FBL: variants seen among roughly 807,000 people sequenced by gnomAD.
The protein encoded by FBL is rRNA 2'-O-methyltransferase fibrillarin.
Under a neutral mutation model 42.2 loss-of-function variants are expected in FBL, and 10 were observed. The ratio of observed to expected loss-of-function variants is 0.24; its 90% CI spans 0.15 to 0.40. The LOEUF is 0.40. Among genes scored for constraint, FBL ranks in the 10% least tolerant of loss-of-function variants. The pLI is 1.00. For missense variants in FBL, 351 were observed against 439.2 expected (o/e 0.80, Z 1.79); for synonymous variants, 165 against 165.4 (o/e 1.00, Z 0.02).
intron 5 of FBL, 25 bp downstream of exon 5, chr19:39,839,010 C>G (rs376607585): frequency 1.3e-6 from 2 of 1,593,158 alleles, no homozygotes; most frequent in African/African-American, 2.7e-5. Context: ...TTACCTCCTG[C>G]CTGACTCTCC....
At chr19:39,845,208 A>G (rs908866494) in intron 1 of FBL, among the ~76,000 whole-genome samples, 7 of 152,050 alleles carry the variant, frequency 4.6e-5, no homozygotes, top group East Asian at 1.9e-4. Flanking sequence ...TCCAAACTCA[A>G]TGAAGCAAGT....
intron 1 of FBL, among the ~76,000 whole-genome samples, chr19:39,843,074 G>A (rs1969190560): frequency 6.6e-6 from 1 of 152,126 alleles, no homozygotes; most frequent in Admixed American, 6.5e-5. Flanking sequence ...CCCTTACCCT[G>A]CTTTATTTCC....
rs201316980 is a variant in FBL, at chr19:39,840,536, A to C, written c.182-21T>G. On this transcript the variant is annotated intron_variant, in intron 2 of 8. Coordinates refer to ENST00000221801, the MANE Select transcript of FBL (RefSeq NM_001436.4). This position sits in a 1 kb window ranked among gnomAD's most constrained non-coding sequence, Gnocchi z 4.5. ...TCCACCTATAAAGGAGAGGTACAAC[A>C]GGAGAGAAAGATCCTGAATCTCCGC... The C allele has an allele frequency of 9.9e-6, 16 of 1,613,768 alleles. No homozygotes were observed. Among genetic ancestry groups the C allele is most frequent in the Admixed American group, 1.7e-5 (1 of 59,992 alleles).
In FBL at chr19:39,841,077, G is replaced by A. The variant is rs544253734; in HGVS notation, c.11-290C>T. Among the ~76,000 whole-genome samples the A allele has an allele frequency of 8.3e-4, 127 of 152,216 alleles. 1 individual carries two copies. The highest frequency in any genetic ancestry group is 1.9e-3 in the Admixed American group (29 of 15,288). ...AAATCATAATAATTTTTTTTGCTTA[G>A]TGCTTTTTTTTTGAGACAGGGTCTT... On this transcript the variant is annotated intron_variant, in intron 1 of 8. Transcript: ENST00000221801.
Position 39,846,354 on chromosome 19 carries a change from G to A in FBL, c.-54C>T, listed in dbSNP as rs376833478. On this transcript the variant is annotated 5_prime_UTR_variant, in exon 1 of 9. Coordinates refer to ENST00000221801, the MANE Select transcript of FBL (RefSeq NM_001436.4). ...GTCCGCGGCGTTCACAACTCCACGA[G>A]TCCGGGGCTTTCGCACGTGGAAAAG... is the stretch of plus-strand genomic sequence containing the variant. 6.8e-6 allele frequency: 11 copies of A among 1,607,578 alleles called. No individual in the cohort carries two copies. Among genetic ancestry groups the A allele is most frequent in the African/African-American group, 4.0e-5 (3 of 74,774 alleles).
intron 7 of FBL, among the ~76,000 whole-genome samples, chr19:39,836,013 T>TA (rs1969039681): frequency 6.6e-6 from 1 of 152,184 alleles, no homozygotes; most frequent in Non-Finnish European, 1.5e-5. Flanking sequence ...AGCCAGTGCT[T>TA]AAATTTTATA....
intron 7 of FBL, among the ~76,000 whole-genome samples, chr19:39,836,297 TA>T (rs1433917486): frequency 3.9e-5 from 6 of 152,022 alleles, no homozygotes; most frequent in Non-Finnish European, 8.8e-5. Context: ...GACTAGACAA[TA>T]TTTCTATTTC....
At position 39,840,118 on chromosome 19, in the gene FBL, T is replaced by C; in HGVS notation, c.378+115A>G. On this transcript the variant is annotated intron_variant, in intron 4 of 8. Transcript: ENST00000221801. The surrounding 1 kb of genome is among the most constrained non-coding windows in gnomAD (Gnocchi z 4.5). Reference sequence around the variant, plus strand: ...GAGGGAGCAGACAGTGTGGTTTACATATTATGACAATCCTCCAGCTGTCAC... The same window carrying C: ...GAGGGAGCAGACAGTGTGGTTTACACATTATGACAATCCTCCAGCTGTCAC... The C allele has an allele frequency of 2.7e-6, 2 of 750,892 alleles. No individual in the cohort carries two copies. Among genetic ancestry groups the C allele is most frequent in the African/African-American group, 3.5e-5 (2 of 57,954 alleles). 46.5% of individuals were successfully genotyped at this position (750,892 alleles called of 1,614,324 possible). A position where few individuals can be genotyped will look rare whatever the true frequency, so the allele number is the denominator to read the frequency against.
In FBL at chr19:39,840,085, A is replaced by T; in HGVS notation, c.378+148T>A. On this transcript the variant is annotated intron_variant, in intron 4 of 8. Coordinates refer to ENST00000221801, the MANE Select transcript of FBL (RefSeq NM_001436.4). This position sits in a 1 kb window ranked among gnomAD's most constrained non-coding sequence, Gnocchi z 4.5. ...CTGGAAGGCCGTGGGGAGTCACAGAAGGCGGATGAGGGAGCAGACAGTGTG... is the reference window on the plus strand; with the variant it reads ...CTGGAAGGCCGTGGGGAGTCACAGATGGCGGATGAGGGAGCAGACAGTGTG... 1.6e-6 allele frequency: 1 copy of T among 638,720 alleles called. No homozygotes were observed. The highest frequency in any genetic ancestry group is 2.8e-6 in the Non-Finnish European group (1 of 355,926). The allele number at this position is 638,720 out of a possible 1,614,324, so 39.6% of individuals were successfully genotyped here.
At chr19:39,838,912 G>C in intron 5 of FBL, 123 bp downstream of exon 5, 1 of 836,420 alleles carries the variant, frequency 1.2e-6, no homozygotes, top group Non-Finnish European at 1.9e-6. Flanking sequence ...CACAGGCACA[G>C]TGACAGAAAA....
Position 39,840,748 on chromosome 19 carries a change from C to A in FBL, c.50G>T (p.Gly17Val), listed in dbSNP as rs368559183. ...TCCACGACCACCACGGTCACCAAAG[C>A]CCCCTCGGCCGCCAAAGCCACCCCC... Reference protein sequence around the residue: ...PRGGGFGGRGGFGDRGGRGGR... With the variant: ...PRGGGFGGRGVFGDRGGRGGR... Residue 17 changes from glycine (G) to valine (V), a missense_variant, in exon 2 of 9, where the codon GGC becomes GTC. Gly to Val is a moderately radical substitution (Grantham distance 109, BLOSUM62 -3). Coordinates refer to ENST00000221801, the MANE Select transcript of FBL (RefSeq NM_001436.4). The surrounding 1 kb of genome is among the most constrained non-coding windows in gnomAD (Gnocchi z 4.5). 167 of 1,572,696 alleles carry A rather than the reference C, an allele frequency of 1.1e-4. No individual in the cohort carries two copies. The South Asian group carries it at 1.8e-3, about 17-fold the overall frequency.
Position 39,834,789 on chromosome 19 carries a change from A to C in FBL, c.820T>G (p.Ser274Ala), listed in dbSNP as rs1968998812. ...IKANCIDSTA[S>A]AEAVFASEVK... Reference sequence around the variant, plus strand: ...TCGGAGGCAAACACGGCCTCGGCTGAGGCTGTGGAGTCAATGCAGTTGGCC... The same window carrying C: ...TCGGAGGCAAACACGGCCTCGGCTGCGGCTGTGGAGTCAATGCAGTTGGCC... The change falls in exon 8 of 9, where the codon TCA (serine) becomes GCA (alanine). Residue 274 changes from serine to alanine, a missense_variant. Ser to Ala is a moderately conservative substitution (Grantham distance 99, BLOSUM62 1). Transcript: ENST00000221801. 6.2e-7 allele frequency: 1 copy of C among 1,614,180 alleles called. No homozygotes were observed. Among genetic ancestry groups the C allele is most frequent in the Non-Finnish European group, 8.5e-7 (1 of 1,180,028 alleles).
intron 1 of FBL, among the ~76,000 whole-genome samples, chr19:39,844,600 G>A (rs946622824): frequency 1.3e-5 from 2 of 151,900 alleles, no homozygotes; most frequent in African/African-American, 4.8e-5. Flanking sequence ...CCTTGACTCC[G>A]ATCACACACC....
chr19:39,840,450 C>G lies in FBL; in HGVS notation c.247G>C (p.Gly83Arg), dbSNP rs1408283588. ...TGCGGCTCCACCATCACATTCTTCCCCGACTGGTTTCCTCTTTTTCCTCCC... is the reference window on the plus strand; with the variant it reads ...TGCGGCTCCACCATCACATTCTTCCGCGACTGGTTTCCTCTTTTTCCTCCC... The part of the protein sequence containing the change: ...GRGGKRGNQS[G>R]KNVMVEPHRH... The change falls in exon 3 of 9, where the codon GGG (glycine) becomes CGG (arginine). Residue 83 changes from glycine (G) to arginine (R), a missense_variant. Physicochemically the swap from Gly to Arg is moderately radical, Grantham distance 125. Transcript: ENST00000221801. This position sits in a 1 kb window ranked among gnomAD's most constrained non-coding sequence, Gnocchi z 4.5. The G allele has an allele frequency of 1.2e-6, 2 of 1,614,152 alleles. No individual in the cohort carries two copies. The highest frequency in any genetic ancestry group is 3.3e-5 in the Admixed American group (2 of 60,022).
chr19:39,839,247 T>C (rs749589122), intron 4 of FBL, 42 bp from the exon 5 acceptor site: 2 of 1,531,522 alleles, frequency 1.3e-6, no homozygotes. Flanking sequence ...TAGGCTCTTC[T>C]GCAGGACCTC....
chr19:39,839,648 G>A (rs1969118618), intron 4 of FBL, among the ~76,000 whole-genome samples: 1 of 152,130 alleles, frequency 6.6e-6, no homozygotes, highest in South Asian at 2.1e-4. Flanking sequence ...GCAAGGAGCA[G>A]GTGAAAATGG....
intron 7 of FBL, 98 bp from the exon 8 acceptor site, chr19:39,834,911 A>G (rs1969003240): frequency 1.6e-6 from 2 of 1,287,208 alleles, no homozygotes; most frequent in South Asian, 2.6e-5. Flanking sequence ...AATTCAAGTA[A>G]AACTCAGTGC....
intron 5 of FBL, 85 bp downstream of exon 5, chr19:39,838,950 G>A: frequency 7.9e-7 from 1 of 1,269,734 alleles, no homozygotes; most frequent in Admixed American, 2.0e-5. Flanking sequence ...ACACAGCGCA[G>A]GCAAGCAGTC....
chr19:39,838,930 G>T (rs1461830270), intron 5 of FBL, 105 bp downstream of exon 5: 2 of 995,558 alleles, frequency 2.0e-6, no homozygotes, highest in Middle Eastern at 2.2e-4. Flanking sequence ...AAAGGGCCTG[G>T]CCCTAAGTCA....
Sources: gnomAD v4.1 joint callset for allele counts (sites outside exome capture counted in the v4.1 genomes callset) on GRCh38, gnomAD v4.1.1 for gene constraint, Gnocchi (gnomAD v3.1) non-coding constraint, MANE v1.5 for transcripts, NCBI Gene and HGNC (gene_info 2026-07-23, HGNC 2026-07-21) for gene names.